STX8: variants seen among roughly 807,000 people sequenced by gnomAD.
STX8 encodes syntaxin 8.
Under a neutral mutation model 37.5 loss-of-function variants are expected in STX8, and 23 were observed. That is an observed-to-expected ratio of 0.61 (90% CI 0.44 to 0.87). The LOEUF is 0.87. Ranked by LOEUF, STX8 falls within the 40% of genes least tolerant of loss-of-function variation. The probability of loss-of-function intolerance (pLI) is 0.00; values close to 1 mark genes in which losing one functional copy is unlikely to be tolerated. For synonymous variants in STX8, 115 were observed against 99.1 expected (o/e 1.16, Z -0.95); for missense variants, 313 against 284.7 (o/e 1.10, Z -0.71).
intron 6 of STX8, among the ~76,000 whole-genome samples, chr17:9,476,807 C>T (rs1395116179): frequency 2.0e-5 from 3 of 151,782 alleles, no homozygotes; most frequent in Admixed American, 6.6e-5. Context: ...CGTGTCCTCA[C>T]GTGGCCTGCC....
At chr17:9,389,106 T>G (rs1852017494) in intron 6 of STX8, among the ~76,000 whole-genome samples, 1 of 152,218 alleles carries the variant, frequency 6.6e-6, no homozygotes, top group African/African-American at 2.4e-5. Flanking sequence ...CCTCATAAAC[T>G]TTGAAACAGA....
intron 6 of STX8, among the ~76,000 whole-genome samples, chr17:9,392,357 A>G (rs1375395784): frequency 1.3e-5 from 2 of 152,210 alleles, no homozygotes; most frequent in African/African-American, 4.8e-5. Flanking sequence ...ATGCTGGGCC[A>G]GGCATTTTTG....
intron 4 of STX8, among the ~76,000 whole-genome samples, chr17:9,526,417 C>T (rs528387536): frequency 2.5e-4 from 38 of 152,304 alleles, no homozygotes; most frequent in African/African-American, 7.5e-4. Context: ...CCTACATGCA[C>T]GTCCTGGAAC....
chr17:9,500,498 T>C (rs1259339573), intron 5 of STX8, among the ~76,000 whole-genome samples: 2 of 151,934 alleles, frequency 1.3e-5, no homozygotes, highest in Admixed American at 6.6e-5. Context: ...GCCATGGTGG[T>C]TAGAGGATGT....
intron 4 of STX8, among the ~76,000 whole-genome samples, chr17:9,516,296 G>GTC (rs1461230762): frequency 2.7e-5 from 1 of 37,668 alleles, no homozygotes; most frequent in Non-Finnish European, 5.0e-5. Flanking sequence ...TAGAACCACA[G>GTC]TCATATATAT....
intron 6 of STX8, among the ~76,000 whole-genome samples, chr17:9,442,822 T>C (rs960040548): frequency 4.6e-5 from 7 of 152,076 alleles, no homozygotes; most frequent in African/African-American, 1.7e-4. Flanking sequence ...TATAGATGAG[T>C]AGCAGTGGTG....
intron 7 of STX8, among the ~76,000 whole-genome samples, chr17:9,270,884 T>C (rs998990958): frequency 1.3e-5 from 2 of 152,218 alleles, no homozygotes; most frequent in African/African-American, 4.8e-5. Context: ...AGTTGCATTG[T>C]AGTGAAATGA....
chr17:9,254,701 T>C (rs1484989447), intron 7 of STX8, among the ~76,000 whole-genome samples: 4 of 152,054 alleles, frequency 2.6e-5, no homozygotes, highest in Admixed American at 2.6e-4. Flanking sequence ...CGGCCTTGAA[T>C]CATTATTTAG....
At chr17:9,354,711 G>A (rs1343828828) in intron 7 of STX8, among the ~76,000 whole-genome samples, 1 of 151,980 alleles carries the variant, frequency 6.6e-6, no homozygotes, top group African/African-American at 2.4e-5. Context: ...TTTTTCAATT[G>A]CTTGAAATCC....
intron 6 of STX8, among the ~76,000 whole-genome samples, chr17:9,453,720 T>A (rs1424970152): frequency 2.0e-5 from 3 of 152,222 alleles, no homozygotes; most frequent in Admixed American, 2.0e-4. Context: ...CTCAAACTCC[T>A]GACCTCAGGT....
intron 6 of STX8, among the ~76,000 whole-genome samples, chr17:9,487,402 G>C (rs1394783769): frequency 6.6e-6 from 1 of 151,856 alleles, no homozygotes; most frequent in African/African-American, 2.4e-5. Flanking sequence ...ATCCAGATGG[G>C]GCTGCAGCCC....
intron 6 of STX8, among the ~76,000 whole-genome samples, chr17:9,472,254 A>G (rs936338750): frequency 6.6e-6 from 1 of 152,168 alleles, no homozygotes; most frequent in Non-Finnish European, 1.5e-5. Flanking sequence ...ACCTTGTTCA[A>G]CCTCGGCTGG....
chr17:9,358,631 A>G (rs1910958807), intron 7 of STX8, among the ~76,000 whole-genome samples: 1 of 152,176 alleles, frequency 6.6e-6, no homozygotes, highest in African/African-American at 2.4e-5. Flanking sequence ...CATTGAGGAG[A>G]GAAAGCGGCT....
chr17:9,387,540 G>A lies in STX8; in HGVS notation c.542-8887C>T, dbSNP rs146891645. Reference sequence around the variant, plus strand: ...GATCTCCTGACCTCATGATCCGCCCGCCTTGGCCTTCCAAAGTGCTGGGAT... The same window carrying A: ...GATCTCCTGACCTCATGATCCGCCCACCTTGGCCTTCCAAAGTGCTGGGAT... On this transcript the variant is annotated intron_variant, in intron 6 of 7. Coordinates refer to ENST00000306357, the MANE Select transcript of STX8 (RefSeq NM_004853.3). Among the ~76,000 whole-genome samples the A allele has an allele frequency of 1.1e-4, 17 of 152,256 alleles. No individual in the cohort carries two copies. The East Asian group carries it at 2.9e-3, about 26-fold the overall frequency.
At chr17:9,272,610 G>A (rs1907508541) in intron 7 of STX8, among the ~76,000 whole-genome samples, 1 of 152,204 alleles carries the variant, frequency 6.6e-6, no homozygotes, top group Non-Finnish European at 1.5e-5. Flanking sequence ...GCGCGCCAGC[G>A]AGCTAGTTTT....
At chr17:9,565,612 CAAAAAAAAAA>C (rs61319674) in intron 2 of STX8, among the ~76,000 whole-genome samples, 4 of 72,676 alleles carry the variant, frequency 5.5e-5, no homozygotes, top group African/African-American at 2.0e-4. Context: ...AACACCGTCT[CAAAAAAAAAA>C]AAAAAAAAAA....
chr17:9,557,648 G>C (rs1476403602), intron 2 of STX8, 120 bp from the exon 3 acceptor site: 5 of 822,834 alleles, frequency 6.1e-6, no homozygotes, highest in South Asian at 4.6e-5. Flanking sequence ...GGAAGAGATA[G>C]ATACTCAGCC....
intron 6 of STX8, among the ~76,000 whole-genome samples, chr17:9,387,601 G>C (rs1037639575): frequency 2.0e-5 from 3 of 152,092 alleles, no homozygotes; most frequent in Admixed American, 6.6e-5. Flanking sequence ...CCAAAAAGTG[G>C]GCATTTTTAT....
At chr17:9,327,562 T>C (rs1029842758) in intron 7 of STX8, among the ~76,000 whole-genome samples, 5 of 152,124 alleles carry the variant, frequency 3.3e-5, no homozygotes, top group Non-Finnish European at 7.4e-5. Flanking sequence ...GGCCCGTCTG[T>C]TTGGATTCTT....
Sources: gnomAD v4.1 joint callset for allele counts (sites outside exome capture counted in the v4.1 genomes callset) on GRCh38, gnomAD v4.1.1 for gene constraint, MANE v1.5 for transcripts, NCBI Gene and HGNC (gene_info 2026-07-23, HGNC 2026-07-21) for gene names.